INTS4: variants seen among roughly 807,000 people sequenced by gnomAD.
INTS4 encodes integrator complex subunit 4.
A neutral mutation model predicts 119.5 loss-of-function variants in INTS4; 70 were observed. That is an observed-to-expected ratio of 0.59 (90% CI 0.48 to 0.71). The LOEUF is 0.71. Ranked by LOEUF, INTS4 falls within the 30% of genes least tolerant of loss-of-function variation. The probability of loss-of-function intolerance (pLI) is 0.00; values close to 1 mark genes in which losing one functional copy is unlikely to be tolerated. For synonymous variants in INTS4, 316 were observed against 419.6 expected (o/e 0.75, Z 3.02); for missense variants, 867 against 1,173.2 (o/e 0.74, Z 3.81).
intron 2 of INTS4, chr11:77,987,478 C>T (rs7938133): frequency 0.69 from 207,003 of 301,484 alleles, 72,759 homozygotes; most frequent in African/African-American, 0.85. Flanking sequence ...TTATTGGTAA[C>T]AGATCTTTAA....
At chr11:77,896,936 A>G (rs186031430) in intron 18 of INTS4, among the ~76,000 whole-genome samples, 4 of 150,626 alleles carry the variant, frequency 2.7e-5, no homozygotes, top group Admixed American at 2.0e-4. Context: ...AGAAAATTTT[A>G]AAGGTTTGAG....
At chr11:77,925,604 T>C (rs57491077) in intron 11 of INTS4, among the ~76,000 whole-genome samples, 20,918 of 152,212 alleles carry the variant, frequency 0.14, 1,641 homozygotes, top group East Asian at 0.26. Context: ...ATGAGAAATA[T>C]TAAAAGAGAG....
chr11:77,955,641 G>A lies in INTS4; in HGVS notation c.918+301C>T, dbSNP rs536238677. On this transcript the variant is annotated intron_variant, in intron 8 of 22. Coordinates refer to ENST00000534064, the MANE Select transcript of INTS4 (RefSeq NM_033547.4). ...CTCCCGAGTAGCTGGGATTACAGGC[G>A]TGCGCCACCATGCCCAGCTAATTTT... 2.0e-3 allele frequency among the ~76,000 whole-genome samples: 302 copies of A among 152,012 alleles called. 3 individuals are homozygous for A. The highest frequency in any genetic ancestry group is 3.1e-3 in the Admixed American group (47 of 15,266).
intron 19 of INTS4, 75 bp downstream of exon 19, chr11:77,894,215 T>A: frequency 1.4e-6 from 1 of 736,222 alleles, no homozygotes; most frequent in Non-Finnish European, 2.3e-6. Context: ...GATTTGTGAT[T>A]GTTCCTATTG....
At chr11:77,966,358 A>T (rs1157660879) in intron 4 of INTS4, among the ~76,000 whole-genome samples, 1 of 152,174 alleles carries the variant, frequency 6.6e-6, no homozygotes, top group Non-Finnish European at 1.5e-5. Flanking sequence ...TTAAAGTCAC[A>T]ACAAAAAATC....
At chr11:77,919,974 A>T (rs1201978418) in intron 14 of INTS4, among the ~76,000 whole-genome samples, 1 of 151,330 alleles carries the variant, frequency 6.6e-6, no homozygotes, top group Non-Finnish European at 1.5e-5. Context: ...ATGCCCAGTT[A>T]ATTTTTGTAT....
At chr11:77,919,298 A>C (rs1404746109) in intron 14 of INTS4, among the ~76,000 whole-genome samples, 2 of 149,526 alleles carry the variant, frequency 1.3e-5, no homozygotes, top group Non-Finnish European at 3.0e-5. Flanking sequence ...CTGTTGTTAC[A>C]TTTTTTTTTT....
chr11:77,946,879 G>T (rs1219369463), intron 8 of INTS4, among the ~76,000 whole-genome samples: 2 of 143,382 alleles, frequency 1.4e-5, no homozygotes, highest in East Asian at 2.0e-4. Flanking sequence ...AGATACAAGA[G>T]AATACAGACA....
chr11:77,889,128 A>G (rs2136383714), intron 21 of INTS4, among the ~76,000 whole-genome samples: 1 of 152,316 alleles, frequency 6.6e-6, no homozygotes, highest in South Asian at 2.1e-4. Context: ...ATGCACACAT[A>G]TGTTTATTGC....
At chr11:77,982,963 T>C (rs190408434) in intron 2 of INTS4, among the ~76,000 whole-genome samples, 9 of 152,298 alleles carry the variant, frequency 5.9e-5, no homozygotes, top group African/African-American at 2.2e-4. Flanking sequence ...ATGCCACTTA[T>C]TATGCACATA....
intron 15 of INTS4, among the ~76,000 whole-genome samples, chr11:77,915,950 T>C (rs1953196201): frequency 6.6e-6 from 1 of 152,192 alleles, no homozygotes; most frequent in African/African-American, 2.4e-5. Flanking sequence ...ATTGGTAGCA[T>C]CCTGACTCAA....
intron 11 of INTS4, among the ~76,000 whole-genome samples, chr11:77,926,802 A>G (rs1164492421): frequency 7.8e-6 from 1 of 128,676 alleles, no homozygotes; most frequent in Admixed American, 8.1e-5. Flanking sequence ...ACAGAGCGAG[A>G]CTCAGCCTCA....
intron 8 of INTS4, among the ~76,000 whole-genome samples, chr11:77,955,184 C>G (rs1466526877): frequency 6.6e-6 from 1 of 151,994 alleles, no homozygotes; most frequent in African/African-American, 2.4e-5. Flanking sequence ...ACAAAAAATA[C>G]AAATTAGCTA....
intron 7 of INTS4, among the ~76,000 whole-genome samples, chr11:77,958,006 T>G (rs1319052425): frequency 6.6e-6 from 1 of 152,026 alleles, no homozygotes; most frequent in African/African-American, 2.4e-5. Flanking sequence ...TAAATCAATA[T>G]AAAACTTACT....
At chr11:77,879,262 C>T (rs1353873387) in intron 22 of INTS4, 135 bp from the exon 23 acceptor site, 3 of 894,202 alleles carry the variant, frequency 3.4e-6, no homozygotes, top group Non-Finnish European at 3.3e-6. Context: ...CCTCCCCTTA[C>T]CCTCACCAAA....
chr11:77,878,712 A>T, downstream of INTS4: 1 of 695,350 alleles, frequency 1.4e-6, no homozygotes, highest in South Asian at 1.5e-5. Flanking sequence ...ACCAGGAACT[A>T]GAACAGCTTG....
chr11:77,975,266 C>T (rs747457082), intron 4 of INTS4, among the ~76,000 whole-genome samples: 2 of 152,098 alleles, frequency 1.3e-5, no homozygotes, highest in East Asian at 1.9e-4. Context: ...GCTTTAGCTG[C>T]ATCATTTTCT....
chr11:77,941,455 G>A (rs966710016), intron 8 of INTS4, among the ~76,000 whole-genome samples: 4 of 108,470 alleles, frequency 3.7e-5, no homozygotes, highest in African/African-American at 1.7e-4. Context: ...GTCACCTACT[G>A]TGCTTTTTTT....
chr11:77,954,672 ACCTAGATCC>A (rs1273145124), intron 8 of INTS4, among the ~76,000 whole-genome samples: 3 of 152,142 alleles, frequency 2.0e-5, no homozygotes, highest in Non-Finnish European at 4.4e-5. Flanking sequence ...GGAGGATGAA[ACCTAGATCC>A]CGCACATGCT....
Sources: gnomAD v4.1 joint callset for allele counts (sites outside exome capture counted in the v4.1 genomes callset) on GRCh38, gnomAD v4.1.1 for gene constraint, MANE v1.5 for transcripts, NCBI Gene and HGNC (gene_info 2026-07-23, HGNC 2026-07-21) for gene names.